TEX15: variants seen among roughly 807,000 people sequenced by gnomAD.
TEX15 encodes testis-expressed protein 15.
TEX15 carries 171 observed loss-of-function variants against 237.3 expected under a neutral mutation model. That is an observed-to-expected ratio of 0.72 (90% CI 0.64 to 0.82). TEX15 has a LOEUF of 0.82. Among genes scored for constraint, TEX15 ranks in the 40% least tolerant of loss-of-function variants. TEX15 has a pLI of 0.00. For missense variants in TEX15, 3,750 were observed against 3,646.5 expected, an observed-to-expected ratio of 1.03 and a Z score of -0.73; for synonymous variants, 1,338 against 1,269.8, an observed-to-expected ratio of 1.05 and a Z score of -1.14.
At chr8:30,864,387 C>T (rs1808113467) in intron 5 of TEX15, among the ~76,000 whole-genome samples, 1 of 150,206 alleles carries the variant, frequency 6.7e-6, no homozygotes. Context: ...AGAAAATGGG[C>T]AGAGAGAACA....
intron 3 of TEX15, among the ~76,000 whole-genome samples, chr8:30,885,176 CTTAA>C (rs1234928821): frequency 3.9e-5 from 6 of 151,960 alleles, no homozygotes; most frequent in African/African-American, 1.2e-4. Context: ...ACTTGATCAT[CTTAA>C]TTAATTCCAT....
At position 30,844,210 on chromosome 8, in the gene TEX15, T is replaced by A. The variant is rs1335939928; in HGVS notation, c.5957A>T (p.Glu1986Val). The change falls in exon 8 of 11, where the codon GAA becomes GTA. Residue 1986 changes from glutamate (E) to valine (V), a missense_variant. Physicochemically the swap from Glu to Val is moderately radical, Grantham distance 121 (BLOSUM62 -2). Transcript: ENST00000643185. Reference protein sequence around the residue: ...KPASYVSDFKEKHCSANHTAL... With the variant: ...KPASYVSDFKVKHCSANHTAL... ...CGTATGATTAGCTGAGCAATGTTTT[T>A]CTTTAAAATCACTCACGTATGACGC... 1.2e-6 allele frequency: 2 copies of A among 1,611,436 alleles called. No homozygotes were observed. Among genetic ancestry groups the A allele is most frequent in the Admixed American group, 3.4e-5 (2 of 59,578 alleles).
Position 30,849,107 on chromosome 8 carries a change from G to A in TEX15, c.1060C>T (p.Pro354Ser), listed in dbSNP as rs2128768524. The change falls in exon 8 of 11, where the codon CCT (proline) becomes TCT (serine). Residue 354 changes from proline to serine, a missense_variant. Coordinates refer to ENST00000643185, the MANE Select transcript of TEX15 (RefSeq NM_001350162.2). The part of the protein sequence containing the change: ...GNVQNGNISI[P>S]ETYSGQTEHS... ...TCTGTCTGTCCACTGTATGTTTCAG[G>A]TATAGAAATGTTTCCATTTTGTACA... The A allele has an allele frequency of 6.2e-7, 1 of 1,608,118 alleles. No homozygotes were observed. Among genetic ancestry groups the A allele is most frequent in the Non-Finnish European group, 8.5e-7 (1 of 1,177,362 alleles).
intron 5 of TEX15, 73 bp downstream of exon 5, chr8:30,867,192 C>T (rs1044103493): frequency 1.1e-4 from 64 of 560,894 alleles, no homozygotes; most frequent in Admixed American, 3.2e-4. Flanking sequence ...CAATTTATAT[C>T]GAAAGGATAA....
At chr8:30,853,916 A>C (rs1807842956) in intron 7 of TEX15, among the ~76,000 whole-genome samples, 1 of 152,018 alleles carries the variant, frequency 6.6e-6, no homozygotes, top group Non-Finnish European at 1.5e-5. Flanking sequence ...AATGAATTAA[A>C]GAATAAATCA....
chr8:30,882,457 T>A (rs1808551300), intron 3 of TEX15, among the ~76,000 whole-genome samples: 1 of 152,132 alleles, frequency 6.6e-6, no homozygotes, highest in South Asian at 2.1e-4. Context: ...CGGCTATTTT[T>A]TTGTATTTTT....
At chr8:30,903,687 C>G (rs1446564957) in intron 1 of TEX15, among the ~76,000 whole-genome samples, 3 of 152,152 alleles carry the variant, frequency 2.0e-5, no homozygotes, top group African/African-American at 7.2e-5. Flanking sequence ...CTTTTTTCAG[C>G]CCAAGCATTA....
intron 4 of TEX15, among the ~76,000 whole-genome samples, chr8:30,872,286 T>G (rs1439799275): frequency 6.6e-6 from 1 of 152,136 alleles, no homozygotes; most frequent in Non-Finnish European, 1.5e-5. Flanking sequence ...AAGATTATAA[T>G]GGAGCTGAAA....
intron 2 of TEX15, among the ~76,000 whole-genome samples, chr8:30,893,675 C>G (rs985184397): frequency 7.2e-5 from 11 of 152,340 alleles, no homozygotes; most frequent in Non-Finnish European, 4.4e-5. Context: ...TCAGCACTCT[C>G]AAGATGTTAT....
rs1807599779 is a variant in TEX15, at chr8:30,846,165, G to A, written c.4002C>T (p.Asp1334=). 2.5e-6 allele frequency: 4 copies of A among 1,613,288 alleles called. No individual in the cohort carries two copies. In the South Asian group the frequency reaches 4.4e-5, roughly 18 times the overall value. Residue 1334 remains aspartate, a synonymous_variant, in exon 8 of 11, where the codon GAC becomes GAT. Transcript: ENST00000643185. ...ATAATGAAGAGAAACACTCAGATGAGTCTTGACTGGTTAGCCTCCTCTTTC... is the reference window on the plus strand; with the variant it reads ...ATAATGAAGAGAAACACTCAGATGAATCTTGACTGGTTAGCCTCCTCTTTC... The part of the protein sequence containing the change: ...YGRKRRLTSQ[D]SSECFSSLSQ...
At chr8:30,879,209 T>G (rs1368726034) in intron 3 of TEX15, among the ~76,000 whole-genome samples, 1 of 152,136 alleles carries the variant, frequency 6.6e-6, no homozygotes, top group Non-Finnish European at 1.5e-5. Flanking sequence ...GATCTGCAAA[T>G]GCTTTTTTCC....
At position 30,867,392 on chromosome 8, in the gene TEX15, G is replaced by A; in HGVS notation, c.413C>T (p.Thr138Ile). Reference sequence around the variant, plus strand: ...TAGTATCTTCAATGTAGATGCTCTGGTACTTATTCCATTCTGATATATCTG... The same window carrying A: ...TAGTATCTTCAATGTAGATGCTCTGATACTTATTCCATTCTGATATATCTG... The part of the protein sequence containing the change: ...VAQIYQNGIS[T>I]RASTLKILGN... The change falls in exon 5 of 11, where the codon ACC becomes ATC. Residue 138 changes from threonine (T) to isoleucine (I), a missense_variant. Thr to Ile is a moderately conservative substitution (Grantham distance 89, BLOSUM62 -1). Transcript: ENST00000643185. 2.0e-6 allele frequency: 3 copies of A among 1,532,264 alleles called. No homozygotes were observed. Among genetic ancestry groups the A allele is most frequent in the Non-Finnish European group, 2.6e-6 (3 of 1,143,780 alleles). 94.9% of individuals were successfully genotyped at this position (1,532,264 alleles called of 1,614,324 possible). A position where few individuals can be genotyped will look rare whatever the true frequency, so the allele number is the denominator to read the frequency against.
chr8:30,902,145 G>A (rs1344266928), intron 1 of TEX15, among the ~76,000 whole-genome samples: 1 of 151,924 alleles, frequency 6.6e-6, no homozygotes, highest in Non-Finnish European at 1.5e-5. Context: ...TGTAAGATAA[G>A]TTTGAGATCC....
Position 30,845,882 on chromosome 8 carries a change from G to A in TEX15, c.4285C>T (p.Leu1429Phe). ...ICNNFWESCD[L>F]QGYSSVSQRK... ...TGAGACACAGAACTATAACCTTGAA[G>A]GTCACAACTTTCCCAGAAATTATTG... The change falls in exon 8 of 11, where the codon CTT becomes TTT. Residue 1429 changes from leucine to phenylalanine, a missense_variant. Coordinates refer to ENST00000643185, the MANE Select transcript of TEX15 (RefSeq NM_001350162.2). 1.9e-6 allele frequency: 3 copies of A among 1,613,206 alleles called. No individual in the cohort carries two copies. Among genetic ancestry groups the A allele is most frequent in the Non-Finnish European group, 2.5e-6 (3 of 1,179,596 alleles).
chr8:30,887,978 A>C (rs112714974), intron 2 of TEX15, among the ~76,000 whole-genome samples: 1,857 of 145,952 alleles, frequency 0.013, 43 homozygotes, highest in African/African-American at 0.043. Context: ...TGTAACTGCT[A>C]TTAGGTAACC....
chr8:30,895,342 C>T (rs1808878464), intron 2 of TEX15, among the ~76,000 whole-genome samples: 1 of 143,350 alleles, frequency 7.0e-6, no homozygotes, highest in Non-Finnish European at 1.5e-5. Context: ...CAAATGACTG[C>T]TGAATTGGTG....
Position 30,838,008 on chromosome 8 carries a change from T to C in TEX15, c.8276A>G (p.Asp2759Gly). 6.2e-7 allele frequency: 1 copy of C among 1,614,024 alleles called. No individual in the cohort carries two copies. Among genetic ancestry groups the C allele is most frequent in the Non-Finnish European group, 8.5e-7 (1 of 1,180,002 alleles). The change falls in exon 10 of 11, where the codon GAC becomes GGC. Residue 2759 changes from aspartate to glycine, a missense_variant. Coordinates refer to ENST00000643185, the MANE Select transcript of TEX15 (RefSeq NM_001350162.2). ...CGTTAAATGATTTCTTTTCAGACTG[T>C]CACATGAACTTGGTACTATTTTGTT... ...SENKIVPSSC[D>G]SLKRNHLTPK...
At chr8:30,902,262 T>C (rs1196016464) in intron 1 of TEX15, among the ~76,000 whole-genome samples, 4 of 151,960 alleles carry the variant, frequency 2.6e-5, no homozygotes, top group Non-Finnish European at 5.9e-5. Flanking sequence ...AGGAATCTCT[T>C]TTAGCCAGAG....
chr8:30,882,078 T>C (rs897661524), intron 3 of TEX15, among the ~76,000 whole-genome samples: 1 of 152,224 alleles, frequency 6.6e-6, no homozygotes, highest in Middle Eastern at 3.2e-3. Context: ...TTCATTTTAG[T>C]TATATATTTC....
Sources: gnomAD v4.1 joint callset for allele counts (sites outside exome capture counted in the v4.1 genomes callset) on GRCh38, gnomAD v4.1.1 for gene constraint, MANE v1.5 for transcripts, NCBI Gene and HGNC (gene_info 2026-07-23, HGNC 2026-07-21) for gene names.